ARHGAP23: variants seen among roughly 807,000 people sequenced by gnomAD.
The protein encoded by ARHGAP23 is Rho GTPase activating protein 23, also known as rho GTPase-activating protein 23.
In ARHGAP23, 34 loss-of-function variants were observed where a neutral mutation model predicts 136.3. The ratio of observed to expected loss-of-function variants is 0.25; its 90% confidence interval spans 0.19 to 0.33. ARHGAP23 has a LOEUF of 0.33. Ranked by LOEUF, ARHGAP23 falls within the 10% of genes least tolerant of loss-of-function variation. The pLI is 1.00. For synonymous variants in ARHGAP23, 832 were observed against 920.5 expected, an observed-to-expected ratio of 0.90 and a Z score of 1.74; for missense variants, 1,808 against 2,139.0, an observed-to-expected ratio of 0.85 and a Z score of 3.05.
At chr17:38,479,930 CATGGGGA>C in intron 14 of ARHGAP23, 47 bp downstream of exon 14, 12 of 1,107,224 alleles carry the variant, frequency 1.1e-5, no homozygotes, top group Non-Finnish European at 1.5e-5. Flanking sequence ...GGGCAGGGGG[CATGGGGA>C]GGGGAGGGCA....
chr17:38,451,634 T>C (rs905590636), intron 1 of ARHGAP23: 7 of 152,162 alleles, frequency 4.6e-5, no homozygotes, highest in Non-Finnish European at 8.8e-5. Flanking sequence ...ACTGGCTGCT[T>C]GCTGGGAGGA....
chr17:38,511,523 TCCCCACCCTGGTC>T lies in ARHGAP23; in HGVS notation c.*555_*567del, dbSNP rs1409389925. ...TCCAGTAGCGACTTCTGTCCCCCTA[TCCCCACCCTGGTC>T]CCCACTTTGCGCCCCCGGGCTCCCT... is the stretch of plus-strand genomic sequence containing the variant. On this transcript the variant is annotated 3_prime_UTR_variant, in exon 24 of 24. Coordinates refer to ENST00000622683, the MANE Select transcript of ARHGAP23 (RefSeq NM_001199417.2). 2 of 152,258 alleles carry T rather than the reference TCCCCACCCTGGTC, an allele frequency of 1.3e-5. No homozygotes were observed. Among genetic ancestry groups the T allele is most frequent in the Non-Finnish European group, 2.9e-5 (2 of 68,274 alleles). 9.4% of individuals were successfully genotyped at this position (152,258 alleles called of 1,614,324 possible).
intron 1 of ARHGAP23, among the ~76,000 whole-genome samples, chr17:38,453,117 AGTGC>A (rs1391215087): frequency 6.6e-6 from 1 of 151,910 alleles, no homozygotes; most frequent in East Asian, 1.9e-4. Flanking sequence ...GTATGTGTGG[AGTGC>A]GTGGGTGGGT....
chr17:38,495,754 T>A lies in ARHGAP23; in HGVS notation c.3277-2031T>A, dbSNP rs139591192. Reference sequence around the variant, plus strand: ...TAATATGTGTCCTTCCAGGACACCTTCCACTTATTGTAAATGCATGGCTAC... The same window carrying A: ...TAATATGTGTCCTTCCAGGACACCTACCACTTATTGTAAATGCATGGCTAC... On this transcript the variant is annotated intron_variant, in intron 20 of 23. Transcript: ENST00000622683. 1.1e-3 allele frequency among the ~76,000 whole-genome samples: 162 copies of A among 152,320 alleles called. 5 individuals carry two copies. The East Asian group carries it at 0.027, about 25-fold the overall frequency.
At chr17:38,446,526 A>T (rs563263670) in intron 1 of ARHGAP23, among the ~76,000 whole-genome samples, 2 of 151,780 alleles carry the variant, frequency 1.3e-5, no homozygotes, top group Admixed American at 1.3e-4. Flanking sequence ...GTGTACAAAC[A>T]TTTCTTCTAA....
At position 38,510,419 on chromosome 17, in the gene ARHGAP23, G is replaced by A; in HGVS notation, c.3923G>A (p.Ser1308Asn). 1 of 1,238,042 alleles carries A rather than the reference G, an allele frequency of 8.1e-7. No homozygotes were observed. Among genetic ancestry groups the A allele is most frequent in the Non-Finnish European group, 1.0e-6 (1 of 992,416 alleles). 76.7% of individuals were successfully genotyped at this position (1,238,042 alleles called of 1,614,324 possible). The change falls in exon 24 of 24, where the codon AGC (serine) becomes AAC (asparagine). Residue 1308 changes from serine (S) to asparagine (N), a missense_variant. Transcript: ENST00000622683. This position sits in a 1 kb window ranked among gnomAD's most constrained non-coding sequence, Gnocchi z 4.6. ...GGRLTRRPSF[S>N]SHHLMPCDTL... Reference sequence around the variant, plus strand: ...CGCCTGACACGCCGGCCGTCCTTCAGCTCGCACCACCTCATGCCCTGCGAC... The same window carrying A: ...CGCCTGACACGCCGGCCGTCCTTCAACTCGCACCACCTCATGCCCTGCGAC...
intron 7 of ARHGAP23, 38 bp from the exon 8 acceptor site, chr17:38,469,106 T>C: frequency 6.6e-7 from 1 of 1,520,228 alleles, no homozygotes; most frequent in Non-Finnish European, 8.9e-7. Context: ...GGCTCCGCTG[T>C]CTGCTGCCTT....
In ARHGAP23 at chr17:38,457,954, A is replaced by T; in HGVS notation, c.64-148A>T. On this transcript the variant is annotated intron_variant, in intron 1 of 23. Coordinates refer to ENST00000622683, the MANE Select transcript of ARHGAP23 (RefSeq NM_001199417.2). ...GGAGAGTAAGGAAGGGGTGAGGAGG[A>T]GGTCATGGGCAGGGAGGATGCCTGG... The T allele has an allele frequency of 4.8e-6, 4 of 840,336 alleles. 1 individual carries two copies. The highest frequency in any genetic ancestry group is 5.4e-5 in the East Asian group (2 of 36,776). 52.1% of individuals were successfully genotyped at this position (840,336 alleles called of 1,614,324 possible).
At chr17:38,435,095 C>T (rs941097168) in intron 1 of ARHGAP23, among the ~76,000 whole-genome samples, 41 of 152,356 alleles carry the variant, frequency 2.7e-4, no homozygotes, top group African/African-American at 9.1e-4. Flanking sequence ...CCCTGTCTCT[C>T]CATTTGCCTC....
chr17:38,498,571 C>T lies in ARHGAP23; in HGVS notation c.3415+61C>T, dbSNP rs1424531845. ...GTTGGACACTGCATTCCTGAGGGTC[C>T]CAGGTGCCTGGCCAGATGCCCAGCT... On this transcript the variant is annotated intron_variant, in intron 22 of 23. Coordinates refer to ENST00000622683, the MANE Select transcript of ARHGAP23 (RefSeq NM_001199417.2). The T allele has an allele frequency of 2.9e-6, 4 of 1,361,938 alleles. No homozygotes were observed. In the Admixed American group the frequency reaches 1.0e-4, roughly 36 times the overall value. 84.4% of individuals were successfully genotyped at this position (1,361,938 alleles called of 1,614,324 possible). A position where few individuals can be genotyped will look rare whatever the true frequency, so the allele number is the denominator to read the frequency against.
chr17:38,506,593 A>G (rs1597854634), intron 23 of ARHGAP23, among the ~76,000 whole-genome samples: 2 of 152,136 alleles, frequency 1.3e-5, no homozygotes, highest in East Asian at 1.9e-4. Context: ...TGTCTTGTAG[A>G]TGGTAGATGG....
chr17:38,454,919 T>C (rs1203531015), intron 1 of ARHGAP23, among the ~76,000 whole-genome samples: 1 of 152,214 alleles, frequency 6.6e-6, no homozygotes, highest in African/African-American at 2.4e-5. Flanking sequence ...CGTCTCTTTC[T>C]TTCCTGACAT....
chr17:38,420,106 T>C (rs2038504955), intron 1 of ARHGAP23, among the ~76,000 whole-genome samples: 1 of 152,112 alleles, frequency 6.6e-6, no homozygotes, highest in Non-Finnish European at 1.5e-5. Context: ...TGGGCTGGGC[T>C]CAGTGGGCGG....
chr17:38,473,424 G>A (rs148100676), intron 11 of ARHGAP23, among the ~76,000 whole-genome samples: 1,580 of 152,206 alleles, frequency 0.01, 31 homozygotes, highest in African/African-American at 0.036. Context: ...TGATCTGTAC[G>A]ATGGGAACAA....
intron 23 of ARHGAP23, among the ~76,000 whole-genome samples, chr17:38,503,671 C>T (rs893357328): frequency 1.3e-5 from 2 of 152,230 alleles, no homozygotes; most frequent in African/African-American, 4.8e-5. Context: ...CTTGAAATTC[C>T]TTCCTCCTGA....
At chr17:38,487,525 G>A (rs1262821824) in intron 17 of ARHGAP23, among the ~76,000 whole-genome samples, 1 of 152,132 alleles carries the variant, frequency 6.6e-6, no homozygotes, top group East Asian at 1.9e-4. Flanking sequence ...TAAAATGTAG[G>A]AGTCTGTCTC....
At chr17:38,440,965 G>A (rs1020819880) in intron 1 of ARHGAP23, among the ~76,000 whole-genome samples, 6 of 152,342 alleles carry the variant, frequency 3.9e-5, no homozygotes, top group Admixed American at 6.5e-5. Flanking sequence ...GCTGCACAGC[G>A]TCAGTGGGAT....
At chr17:38,438,188 G>A (rs1207031081) in intron 1 of ARHGAP23, among the ~76,000 whole-genome samples, 1 of 152,120 alleles carries the variant, frequency 6.6e-6, no homozygotes, top group Non-Finnish European at 1.5e-5. Context: ...GGGCGTGGTG[G>A]CATGCGCCTT....
At chr17:38,444,000 G>C (rs1395755823) in intron 1 of ARHGAP23, among the ~76,000 whole-genome samples, 1 of 152,154 alleles carries the variant, frequency 6.6e-6, no homozygotes, top group African/African-American at 2.4e-5. Context: ...GCTGACCTTA[G>C]AGAAGAGTCA....
Sources: gnomAD v4.1 joint callset for allele counts (sites outside exome capture counted in the v4.1 genomes callset) on GRCh38, gnomAD v4.1.1 for gene constraint, Gnocchi (gnomAD v3.1) non-coding constraint, MANE v1.5 for transcripts, NCBI Gene and HGNC (gene_info 2026-07-23, HGNC 2026-07-21) for gene names.